Variants in RIMS1 observed in about 807,000 individuals in gnomAD.
The protein encoded by RIMS1 is regulating synaptic membrane exocytosis protein 1.
In RIMS1, 83 loss-of-function variants were observed where a neutral mutation model predicts 214.1. The observed-to-expected ratio is 0.39, with a 90% CI of 0.32 to 0.47. The LOEUF is 0.47. Among genes scored for constraint, RIMS1 ranks in the 20% least tolerant of loss-of-function variants. The pLI is 0.99. For synonymous variants in RIMS1, 793 were observed against 786.8 expected (o/e 1.01, Z -0.13); for missense variants, 2,050 against 2,161.8 (o/e 0.95, Z 1.03).
intron 1 of RIMS1, among the ~76,000 whole-genome samples, chr6:71,954,850 A>G (rs1011027334): frequency 7.1e-6 from 1 of 140,112 alleles, no homozygotes; most frequent in Admixed American, 7.2e-5. Flanking sequence ...TCCTCAGCAC[A>G]CACACACACA....
chr6:72,182,519 G>T lies in RIMS1; in HGVS notation c.1048G>T (p.Asp350Tyr). The T allele has an allele frequency of 6.3e-7, 1 of 1,583,238 alleles. No individual in the cohort carries two copies. The highest frequency in any genetic ancestry group is 8.6e-7 in the Non-Finnish European group (1 of 1,164,932). Residue 350 changes from aspartate to tyrosine, a missense_variant, in exon 6 of 34, where the codon GAT (aspartate) becomes TAT (tyrosine). By Grantham distance (160) the Asp-to-Tyr change is radical. Coordinates refer to ENST00000521978, the MANE Select transcript of RIMS1 (RefSeq NM_014989.7). ...ADEEKQRKEE[D>Y]YQTRYRSDPN... ...TGAGGAAAAGCAAAGAAAAGAGGAG[G>T]ATTATCAGACCAGGTACCGCAGCGA...
intron 4 of RIMS1, among the ~76,000 whole-genome samples, chr6:72,106,350 G>C (rs1431432440): frequency 6.6e-6 from 1 of 152,190 alleles, no homozygotes; most frequent in Non-Finnish European, 1.5e-5. Context: ...ATGGGAAAGA[G>C]TAGAAAACTA....
At chr6:71,969,468 A>G (rs919663025) in intron 2 of RIMS1, among the ~76,000 whole-genome samples, 2 of 152,174 alleles carry the variant, frequency 1.3e-5, no homozygotes, top group African/African-American at 2.4e-5. Context: ...GTAGTCCATT[A>G]TCTAACCCTC....
intron 1 of RIMS1, among the ~76,000 whole-genome samples, chr6:71,964,575 A>G (rs1317071532): frequency 6.6e-6 from 1 of 152,160 alleles, no homozygotes; most frequent in African/African-American, 2.4e-5. Context: ...AGGACACAGG[A>G]TGTGAGAGAA....
At position 72,038,982 on chromosome 6, in the gene RIMS1, A is replaced by G. The variant is rs188913462; in HGVS notation, c.246-57967A>G. On this transcript the variant is annotated intron_variant, in intron 2 of 33. Coordinates refer to ENST00000521978, the MANE Select transcript of RIMS1 (RefSeq NM_014989.7). Reference sequence around the variant, plus strand: ...TTTACGGTTTATAACTTGAAAAAATATTTCTTTTAATTAGCAGTGATAATC... The same window carrying G: ...TTTACGGTTTATAACTTGAAAAAATGTTTCTTTTAATTAGCAGTGATAATC... Among the ~76,000 whole-genome samples, 341 of 152,260 alleles carry G rather than the reference A, an allele frequency of 2.2e-3. 4 individuals carry two copies. Among genetic ancestry groups the G allele is most frequent in the Admixed American group, 0.02 (301 of 15,266 alleles).
At chr6:72,348,522 AT>A (rs2097342471) in intron 29 of RIMS1, among the ~76,000 whole-genome samples, 1 of 151,910 alleles carries the variant, frequency 6.6e-6, no homozygotes, top group Admixed American at 6.6e-5. Context: ...ATTCTACCTT[AT>A]TGCTTTTAAA....
chr6:71,906,267 T>C (rs1389087676), intron 1 of RIMS1, among the ~76,000 whole-genome samples: 1 of 152,184 alleles, frequency 6.6e-6, no homozygotes, highest in Admixed American at 6.5e-5. Context: ...TCTTTCTCAC[T>C]TATAACCTTT....
At chr6:72,052,819 A>C (rs1357201732) in intron 2 of RIMS1, among the ~76,000 whole-genome samples, 1 of 152,184 alleles carries the variant, frequency 6.6e-6, no homozygotes, top group African/African-American at 2.4e-5. Flanking sequence ...ATTATACCAT[A>C]TAAGACACTT....
intron 29 of RIMS1, among the ~76,000 whole-genome samples, chr6:72,349,098 A>G (rs1346147299): frequency 6.6e-6 from 1 of 152,026 alleles, no homozygotes; most frequent in South Asian, 2.1e-4. Context: ...ATATTGAAGC[A>G]GTACATTGTG....
chr6:72,037,772 T>C (rs1820085587), intron 2 of RIMS1, among the ~76,000 whole-genome samples: 1 of 151,988 alleles, frequency 6.6e-6, no homozygotes, highest in Admixed American at 6.6e-5. Flanking sequence ...GTTCTTACTT[T>C]ATCAGAGAAC....
At chr6:72,398,156 A>C (rs1168550477) in intron 31 of RIMS1, 93 bp from the exon 32 acceptor site, 5 of 693,592 alleles carry the variant, frequency 7.2e-6, no homozygotes, top group Non-Finnish European at 1.3e-5. Context: ...CATGAAGATA[A>C]AAATCTGTAG....
intron 8 of RIMS1, 133 bp from the exon 9 acceptor site, chr6:72,237,690 A>G: frequency 3.0e-6 from 2 of 657,482 alleles, no homozygotes; most frequent in South Asian, 3.9e-5. Context: ...AAAAAAAAAA[A>G]GTGCTTCACT....
intron 2 of RIMS1, among the ~76,000 whole-genome samples, chr6:72,082,404 C>T (rs1174418586): frequency 1.3e-5 from 2 of 152,174 alleles, no homozygotes; most frequent in Non-Finnish European, 2.9e-5. Flanking sequence ...TTAATCCTCA[C>T]AACAACCCCA....
rs1290537228 is a variant in RIMS1, at chr6:72,161,905, C to T, written c.472-17670C>T. ...GAGTTCTATAGATGTCTATTAGGTC[C>T]GCTTGGTGCAGAGCTGAGTTCAATT... On this transcript the variant is annotated intron_variant, in intron 4 of 33. Coordinates refer to ENST00000521978, the MANE Select transcript of RIMS1 (RefSeq NM_014989.7). 1.1e-4 allele frequency among the ~76,000 whole-genome samples: 16 copies of T among 140,392 alleles called. 2 individuals carry two copies. The highest frequency in any genetic ancestry group is 4.7e-4 in the South Asian group (2 of 4,226). The allele number at this position is 140,392 out of a possible 152,430, so 92.1% of individuals were successfully genotyped here. A position where few individuals can be genotyped will look rare whatever the true frequency, so the allele number is the denominator to read the frequency against.
intron 2 of RIMS1, among the ~76,000 whole-genome samples, chr6:72,088,130 G>A (rs895403453): frequency 4.6e-5 from 7 of 151,926 alleles, no homozygotes; most frequent in Non-Finnish European, 7.4e-5. Flanking sequence ...TTGGAATATT[G>A]TTCCATAAAT....
intron 2 of RIMS1, among the ~76,000 whole-genome samples, chr6:71,981,681 AG>A (rs1273670706): frequency 2.6e-5 from 4 of 152,192 alleles, no homozygotes; most frequent in Non-Finnish European, 5.9e-5. Flanking sequence ...GCTTGCAGAA[AG>A]GGGGTTTAAT....
At chr6:71,929,484 A>G (rs1403457805) in intron 1 of RIMS1, among the ~76,000 whole-genome samples, 1 of 152,158 alleles carries the variant, frequency 6.6e-6, no homozygotes, top group Admixed American at 6.5e-5. Context: ...GAGAGAAAAA[A>G]GACTATTTAA....
intron 29 of RIMS1, among the ~76,000 whole-genome samples, chr6:72,385,306 AT>A (rs2098570746): frequency 6.6e-5 from 10 of 152,220 alleles, no homozygotes; most frequent in Admixed American, 6.5e-4. Flanking sequence ...CATTAAACAT[AT>A]TACATAGATG....
intron 29 of RIMS1, among the ~76,000 whole-genome samples, chr6:72,354,778 C>T (rs188810294): frequency 6.6e-6 from 1 of 152,258 alleles, no homozygotes. Context: ...GTTGGCAAAC[C>T]TCTTTAGTGC....
Sources: allele counts gnomAD v4.1 joint callset (sites outside exome capture counted in the v4.1 genomes callset), GRCh38; gene constraint gnomAD v4.1.1; transcripts MANE v1.5; gene names NCBI Gene and HGNC (gene_info 2026-07-23, HGNC 2026-07-21).